The following GLT1D1 variants were observed in gnomAD, a reference collection of about 807,000 sequenced individuals.
GLT1D1 encodes the protein glycosyltransferase 1 domain containing 1.
In GLT1D1, 21 loss-of-function variants were observed where a neutral mutation model predicts 28.7. The observed-to-expected ratio is 0.73, with a 90% CI of 0.52 to 1.05. The LOEUF is 1.05. Among genes scored for constraint, GLT1D1 ranks in the 50% least tolerant of loss-of-function variants. The pLI, the probability that GLT1D1 is intolerant of heterozygous loss-of-function variation, is 0.00. For synonymous variants in GLT1D1, 147 were observed against 124.8 expected (o/e 1.18, Z -1.19); for missense variants, 343 against 330.6 (o/e 1.04, Z -0.29).
rs181187082 is a variant in GLT1D1 at position 128,971,512 on chromosome 12, T to C, written c.640-11417T>C. Reference sequence around the variant, plus strand: ...TCTCTACCTCCCTCCCTCTCTCCCTTCCTCTCTCCTTCTGTCCCTTTCTCT... The same window carrying C: ...TCTCTACCTCCCTCCCTCTCTCCCTCCCTCTCTCCTTCTGTCCCTTTCTCT... On this transcript the variant is annotated intron_variant, in intron 7 of 7. Coordinates refer to ENST00000281703, the MANE Select transcript of GLT1D1 (RefSeq NM_144669.3). 4.5e-3 allele frequency among the ~76,000 whole-genome samples: 501 copies of C among 112,564 alleles called. 5 individuals carry two copies. Among genetic ancestry groups the C allele is most frequent in the African/African-American group, 0.016 (472 of 29,326 alleles). The allele number at this position is 112,564 out of a possible 152,430, so 73.8% of individuals were successfully genotyped here. A position where few individuals can be genotyped will look rare whatever the true frequency, so the allele number is the denominator to read the frequency against.
At chr12:128,975,017 T>C (rs7299121) in intron 7 of GLT1D1, among the ~76,000 whole-genome samples, 31,452 of 152,110 alleles carry the variant, frequency 0.21, 3,526 homozygotes, top group Non-Finnish European at 0.26. Context: ...CCTGCTGGCT[T>C]TCCTTTGTTT....
In GLT1D1 at chr12:128,891,537, A is replaced by G. The variant is rs550906972; in HGVS notation, c.323+2793A>G. Among the ~76,000 whole-genome samples the G allele has an allele frequency of 2.6e-5, 4 of 152,336 alleles. No homozygotes were observed. In the South Asian group the frequency reaches 8.3e-4, roughly 32 times the overall value. The stretch of plus-strand genomic sequence containing the variant: ...ATTTTATCCCAATAAATCACCAGCC[A>G]TTAATTTTCTGTGGCTCACCTCATG... On this transcript the variant is annotated intron_variant, in intron 3 of 7. Coordinates refer to ENST00000281703, the MANE Select transcript of GLT1D1 (RefSeq NM_144669.3).
chr12:128,965,732 A>AAACAG (rs1555220850), intron 7 of GLT1D1, among the ~76,000 whole-genome samples: 1 of 104,572 alleles, frequency 9.6e-6, no homozygotes, highest in Non-Finnish European at 1.8e-5. Flanking sequence ...AAAAAAAAAA[A>AAACAG]AAAGAAAAAG....
chr12:128,900,142 A>C (rs974095570), intron 4 of GLT1D1, among the ~76,000 whole-genome samples: 4 of 152,214 alleles, frequency 2.6e-5, no homozygotes, highest in African/African-American at 9.6e-5. Flanking sequence ...TGGTGCCTGC[A>C]AAACTAAAGA....
chr12:128,872,714 C>A (rs1207185852), intron 1 of GLT1D1, among the ~76,000 whole-genome samples: 1 of 152,122 alleles, frequency 6.6e-6, no homozygotes, highest in African/African-American at 2.4e-5. Flanking sequence ...AGAAAAGAGA[C>A]CTGGTCCCAT....
At chr12:128,962,169 C>T (rs1044312558) in intron 7 of GLT1D1, among the ~76,000 whole-genome samples, 19 of 152,194 alleles carry the variant, frequency 1.2e-4, no homozygotes, top group African/African-American at 4.1e-4. Flanking sequence ...TGTCCTATGG[C>T]GGCCCCGTGT....
intron 3 of GLT1D1, among the ~76,000 whole-genome samples, chr12:128,889,584 G>A (rs1333627054): frequency 1.3e-5 from 2 of 152,254 alleles, no homozygotes; most frequent in East Asian, 1.9e-4. Context: ...ATCCCCAGTT[G>A]AGAATTCCTT....
chr12:128,863,101 C>T (rs1489219241), intron 1 of GLT1D1, among the ~76,000 whole-genome samples: 1 of 152,156 alleles, frequency 6.6e-6, no homozygotes, highest in East Asian at 1.9e-4. Flanking sequence ...TTTTACATGA[C>T]ATGGGAGCCT....
chr12:128,913,365 GC>G (rs369742980), intron 4 of GLT1D1, among the ~76,000 whole-genome samples: 6 of 151,876 alleles, frequency 4.0e-5, no homozygotes, highest in East Asian at 1.9e-4. Flanking sequence ...GATTACAGGT[GC>G]CCCCCCACCA....
At position 128,916,045 on chromosome 12, in the gene GLT1D1, TTCCTAGTCTAA is replaced by T. The variant is rs551014119; in HGVS notation, c.375+16760_375+16770del. On this transcript the variant is annotated intron_variant, in intron 4 of 7. Transcript: ENST00000281703. ...TTAATTTCTGTCTCTTTATAGGCGA[TTCCTAGTCTAA>T]TTTTTCTTATCTTAGATTAGTTTTA... Among the ~76,000 whole-genome samples, 590 of 152,366 alleles carry T rather than the reference TTCCTAGTCTAA, an allele frequency of 3.9e-3. 1 individual carries two copies. The highest frequency in any genetic ancestry group is 6.7e-3 in the Non-Finnish European group (457 of 68,032).
intron 4 of GLT1D1, among the ~76,000 whole-genome samples, chr12:128,922,098 C>T (rs1266691971): frequency 1.3e-4 from 20 of 151,908 alleles, no homozygotes; most frequent in Admixed American, 1.3e-3. Flanking sequence ...CAGTGTGTCA[C>T]ATATGGATGT....
At chr12:128,941,221 A>G (rs144573844) in intron 4 of GLT1D1, among the ~76,000 whole-genome samples, 2 of 152,170 alleles carry the variant, frequency 1.3e-5, no homozygotes, top group South Asian at 4.1e-4. Flanking sequence ...CTACTCATTC[A>G]TCAGCTGATG....
intron 3 of GLT1D1, among the ~76,000 whole-genome samples, chr12:128,889,017 G>A (rs1349666702): frequency 1.3e-5 from 2 of 152,134 alleles, no homozygotes; most frequent in African/African-American, 2.4e-5. Context: ...AGTGAGGCAC[G>A]CCTGTGGTCC....
chr12:128,864,310 T>C, intron 1 of GLT1D1: 1 of 424,046 alleles, frequency 2.4e-6, no homozygotes, highest in East Asian at 3.6e-5. Context: ...AACTGGGATA[T>C]AACATGATCA....
intron 7 of GLT1D1, among the ~76,000 whole-genome samples, chr12:128,962,614 C>A (rs1320721110): frequency 1.3e-5 from 2 of 152,198 alleles, no homozygotes; most frequent in Non-Finnish European, 2.9e-5. Flanking sequence ...ACATACAGCC[C>A]TTGCTGCTGT....
chr12:128,944,495 G>C (rs1875759039), intron 4 of GLT1D1: 1 of 1,084,354 alleles, frequency 9.2e-7, no homozygotes, highest in Non-Finnish European at 1.4e-6. Flanking sequence ...TCCCCTGTCA[G>C]AGCATCAATG....
chr12:128,975,894 G>T (rs992799880), intron 7 of GLT1D1, among the ~76,000 whole-genome samples: 1 of 152,234 alleles, frequency 6.6e-6, no homozygotes. Context: ...ATGCTGAAGA[G>T]TTTAGAGAAG....
intron 4 of GLT1D1, chr12:128,944,664 A>C (rs1280211748): frequency 4.1e-6 from 3 of 726,244 alleles, no homozygotes; most frequent in Non-Finnish European, 7.7e-6. Context: ...CTGCCTGTGG[A>C]AGTGTCCTTG....
chr12:128,925,715 C>T (rs1202666479), intron 4 of GLT1D1, among the ~76,000 whole-genome samples: 1 of 152,106 alleles, frequency 6.6e-6, no homozygotes, highest in East Asian at 1.9e-4. Context: ...ATTATTCTTC[C>T]TATCTAGAAT....
Sources: allele counts gnomAD v4.1 joint callset (sites outside exome capture counted in the v4.1 genomes callset), GRCh38; gene constraint gnomAD v4.1.1; transcripts MANE v1.5; gene names NCBI Gene and HGNC (gene_info 2026-07-23, HGNC 2026-07-21).